Variants in SLCO3A1 observed in about 807,000 individuals in gnomAD.
SLCO3A1 encodes PGE1 transporter.
In SLCO3A1, 27 loss-of-function variants were observed where a neutral mutation model predicts 63.1. That is an observed-to-expected ratio of 0.43 (90% confidence interval 0.32 to 0.59). The LOEUF (loss-of-function observed/expected upper bound fraction) is 0.59, where lower values mean the gene tolerates loss of function less well. Ranked by LOEUF, SLCO3A1 falls within the 20% of genes least tolerant of loss-of-function variation. The probability of loss-of-function intolerance (pLI) is 0.09; values close to 1 mark genes in which losing one functional copy is unlikely to be tolerated. For missense variants in SLCO3A1, 773 were observed against 945.8 expected, an observed-to-expected ratio of 0.82 and a Z score of 2.40; for synonymous variants, 473 against 409.9, an observed-to-expected ratio of 1.15 and a Z score of -1.86.
At chr15:92,056,849 A>G (rs1490224482) in intron 2 of SLCO3A1, among the ~76,000 whole-genome samples, 1 of 152,190 alleles carries the variant, frequency 6.6e-6, no homozygotes, top group Non-Finnish European at 1.5e-5. Context: ...AGTTGATTGG[A>G]GAGAACAAGC....
chr15:91,966,467 A>G (rs1900666202), intron 2 of SLCO3A1, among the ~76,000 whole-genome samples: 1 of 152,212 alleles, frequency 6.6e-6, no homozygotes, highest in Non-Finnish European at 1.5e-5. Context: ...ACTGTGCACA[A>G]TGCAACATCA....
intron 2 of SLCO3A1, among the ~76,000 whole-genome samples, chr15:92,040,449 C>CTGTGAA (rs1459606659): frequency 2.6e-5 from 4 of 152,164 alleles, no homozygotes; most frequent in African/African-American, 9.7e-5. Flanking sequence ...TTTGAATCTG[C>CTGTGAA]TGTGCCCAGA....
At chr15:92,096,353 G>T (rs2047539277) in intron 3 of SLCO3A1, among the ~76,000 whole-genome samples, 1 of 152,204 alleles carries the variant, frequency 6.6e-6, no homozygotes, top group Non-Finnish European at 1.5e-5. Flanking sequence ...TCGTTTGTTA[G>T]AAGCTAGTCA....
At chr15:92,153,680 C>G (rs535080978) in intron 9 of SLCO3A1, 7 of 152,438 alleles carry the variant, frequency 4.6e-5, no homozygotes, top group Non-Finnish European at 8.8e-5. Context: ...GAAGGGCCTC[C>G]TAATCTTGCC....
At chr15:92,062,596 T>C (rs1874026373) in intron 2 of SLCO3A1, among the ~76,000 whole-genome samples, 1 of 152,216 alleles carries the variant, frequency 6.6e-6, no homozygotes, top group Non-Finnish European at 1.5e-5. Context: ...AGGAGACTGG[T>C]TGGCCTGAAG....
intron 2 of SLCO3A1, among the ~76,000 whole-genome samples, chr15:92,075,410 C>G (rs2047265233): frequency 6.6e-6 from 1 of 152,168 alleles, no homozygotes; most frequent in South Asian, 2.1e-4. Flanking sequence ...GCAGCTGACT[C>G]TATGAGAATA....
At chr15:92,122,211 G>C (rs575623441) in intron 5 of SLCO3A1, among the ~76,000 whole-genome samples, 1 of 152,196 alleles carries the variant, frequency 6.6e-6, no homozygotes, top group African/African-American at 2.4e-5. Flanking sequence ...TCTCCTGAAA[G>C]AGCAGAGGGA....
chr15:92,067,713 C>G (rs752629133), intron 2 of SLCO3A1, among the ~76,000 whole-genome samples: 6 of 152,176 alleles, frequency 3.9e-5, no homozygotes, highest in Non-Finnish European at 7.3e-5. Context: ...TTTGTGGTTT[C>G]CCTTGTAGCT....
rs529408085 is a variant in SLCO3A1 at position 92,092,998 on chromosome 15, G to A, written c.647-1883G>A. 2.0e-4 allele frequency among the ~76,000 whole-genome samples: 31 copies of A among 152,288 alleles called. No individual in the cohort carries two copies. The South Asian group carries it at 5.2e-3, about 26-fold the overall frequency. On this transcript the variant is annotated intron_variant, in intron 2 of 9. Coordinates refer to ENST00000318445, the MANE Select transcript of SLCO3A1 (RefSeq NM_013272.4). Reference sequence around the variant, plus strand: ...CGCATCCAAGTAGGATTTTGCTGAGGGTGGACTCAGCCCTGTTTCTGTGAT... The same window carrying A: ...CGCATCCAAGTAGGATTTTGCTGAGAGTGGACTCAGCCCTGTTTCTGTGAT...
At chr15:92,083,361 T>C (rs985221841) in intron 2 of SLCO3A1, among the ~76,000 whole-genome samples, 2 of 152,194 alleles carry the variant, frequency 1.3e-5, no homozygotes, top group Non-Finnish European at 2.9e-5. Context: ...AAGTCAGGAC[T>C]GACTGTCATG....
chr15:92,064,344 C>A (rs972814071), intron 2 of SLCO3A1, among the ~76,000 whole-genome samples: 8 of 152,126 alleles, frequency 5.3e-5, no homozygotes, highest in African/African-American at 1.9e-4. Context: ...GTTATTAATC[C>A]TTTGTCAGAT....
intron 4 of SLCO3A1, among the ~76,000 whole-genome samples, chr15:92,110,887 G>C (rs2047720991): frequency 1.3e-5 from 2 of 148,270 alleles, no homozygotes; most frequent in African/African-American, 5.0e-5. Context: ...GACTTGGCAA[G>C]AGCTTCAGGT....
intron 2 of SLCO3A1, among the ~76,000 whole-genome samples, chr15:91,928,632 C>T (rs142790914): frequency 0.011 from 1,652 of 152,332 alleles, 36 homozygotes; most frequent in African/African-American, 0.038. Flanking sequence ...ATAGTACCCA[C>T]CTGCGGTGCT....
intron 2 of SLCO3A1, among the ~76,000 whole-genome samples, chr15:91,958,348 C>G (rs1057092436): frequency 1.3e-5 from 2 of 152,194 alleles, no homozygotes; most frequent in Non-Finnish European, 2.9e-5. Flanking sequence ...TTGTATTCAT[C>G]TACCATGTGT....
chr15:92,133,098 T>C (rs2048015807), intron 7 of SLCO3A1, among the ~76,000 whole-genome samples: 1 of 145,864 alleles, frequency 6.9e-6, no homozygotes, highest in Non-Finnish European at 1.5e-5. Flanking sequence ...CTATGCACTG[T>C]GTTTTTACCA....
chr15:92,074,404 A>G (rs1015551228), intron 2 of SLCO3A1, among the ~76,000 whole-genome samples: 1 of 152,192 alleles, frequency 6.6e-6, no homozygotes, highest in Non-Finnish European at 1.5e-5. Flanking sequence ...AAACAGAACC[A>G]GAAGTGATCT....
intron 1 of SLCO3A1, among the ~76,000 whole-genome samples, chr15:91,909,078 A>ACAAAC (rs983811783): frequency 2.0e-5 from 3 of 152,180 alleles, no homozygotes; most frequent in African/African-American, 7.2e-5. Context: ...ACAAAACAAA[A>ACAAAC]CAAACAAACA....
At position 92,163,640 on chromosome 15, in the gene SLCO3A1, G is replaced by A. The variant is rs2048468638; in HGVS notation, c.*505G>A. 1.0e-6 allele frequency: 1 copy of A among 985,270 alleles called. No homozygotes were observed. The highest frequency in any genetic ancestry group is 4.7e-5 in the South Asian group (1 of 21,292). The allele number at this position is 985,270 out of a possible 1,614,324, so 61.0% of individuals were successfully genotyped here. A position where few individuals can be genotyped will look rare whatever the true frequency, so the allele number is the denominator to read the frequency against. On this transcript the variant is annotated 3_prime_UTR_variant, in exon 10 of 10. Coordinates refer to ENST00000318445, the MANE Select transcript of SLCO3A1 (RefSeq NM_013272.4). ...CGTGCCACCCTCTTCCTCCAGGTGG[G>A]GGTGGGGGCGGGCGCACAAGTCGGA...
chr15:91,953,854 G>T (rs1005258251), intron 2 of SLCO3A1, among the ~76,000 whole-genome samples: 30 of 152,140 alleles, frequency 2.0e-4, no homozygotes, highest in Non-Finnish European at 7.3e-5. Context: ...ACAGTGTCTT[G>T]TGTTGATTCG....
Sources: gnomAD v4.1 joint callset for allele counts (sites outside exome capture counted in the v4.1 genomes callset) on GRCh38, gnomAD v4.1.1 for gene constraint, MANE v1.5 for transcripts, NCBI Gene and HGNC (gene_info 2026-07-23, HGNC 2026-07-21) for gene names.